Variants in BTBD10 observed in about 807,000 individuals in gnomAD.
BTBD10 encodes the protein BTB/POZ domain-containing protein 10.
In BTBD10, 21 loss-of-function variants were observed where a neutral mutation model predicts 53.2. The ratio of observed to expected loss-of-function variants is 0.39; its 90% CI spans 0.28 to 0.57. BTBD10 has a LOEUF of 0.57. Among genes scored for constraint, BTBD10 ranks in the 20% least tolerant of loss-of-function variants. The pLI is 0.53. For synonymous variants in BTBD10, 149 were observed against 192.7 expected, an observed-to-expected ratio of 0.77 and a Z score of 1.88; for missense variants, 360 against 594.7, an observed-to-expected ratio of 0.61 and a Z score of 4.10.
intron 8 of BTBD10, among the ~76,000 whole-genome samples, chr11:13,402,852 A>C (rs7939162): frequency 0.16 from 24,013 of 152,146 alleles, 2,084 homozygotes; most frequent in Admixed American, 0.24. Flanking sequence ...ATCCTATGGG[A>C]ATGTACATAT....
intron 5 of BTBD10, among the ~76,000 whole-genome samples, chr11:13,416,774 C>T (rs575356973): frequency 2.0e-5 from 3 of 152,056 alleles, no homozygotes; most frequent in East Asian, 3.9e-4. Context: ...CCCTGGAGTT[C>T]GAGAACAGCC....
intron 1 of BTBD10, among the ~76,000 whole-genome samples, chr11:13,456,028 C>T (rs939285874): frequency 4.6e-5 from 7 of 152,124 alleles, no homozygotes; most frequent in African/African-American, 1.7e-4. Flanking sequence ...TGGAAATGTT[C>T]TACGTCTGCA....
At chr11:13,406,004 A>C in intron 6 of BTBD10, 148 bp from the exon 7 acceptor site, 1 of 729,392 alleles carries the variant, frequency 1.4e-6, no homozygotes, top group East Asian at 2.7e-5. Context: ...CTAATATTAC[A>C]AAACTAATTT....
intron 1 of BTBD10, among the ~76,000 whole-genome samples, chr11:13,458,971 C>A (rs935664885): frequency 3.7e-4 from 56 of 151,986 alleles, no homozygotes; most frequent in Non-Finnish European, 8.8e-5. Flanking sequence ...AAAATCATAA[C>A]AACGCTTGTA....
In BTBD10 at chr11:13,438,025, A is replaced by G. The variant is rs138048490; in HGVS notation, c.101+6999T>C. Among the ~76,000 whole-genome samples, 238 of 152,168 alleles carry G rather than the reference A, an allele frequency of 1.6e-3. 2 individuals are homozygous for G. The highest frequency in any genetic ancestry group is 5.3e-3 in the African/African-American group (222 of 41,548). On this transcript the variant is annotated intron_variant, in intron 2 of 8. Transcript: ENST00000278174. ...TCCTATCAATGTTTGTCTTATTTCT[A>G]TTTCTGTTAGAGGTGGTAGTGGTTT...
At chr11:13,417,395 G>T in intron 4 of BTBD10, 135 bp from the exon 5 acceptor site, 2 of 581,914 alleles carry the variant, frequency 3.4e-6, no homozygotes, top group Admixed American at 3.3e-5. Flanking sequence ...AATTTATTCT[G>T]GCAAACATCA....
intron 1 of BTBD10, chr11:13,462,584 A>T (rs1239146714): frequency 6.6e-6 from 1 of 152,218 alleles, no homozygotes; most frequent in Non-Finnish European, 1.5e-5. Flanking sequence ...AGACATCAGA[A>T]CCTTTTCCGT....
At chr11:13,454,620 G>A (rs569903209) in intron 1 of BTBD10, among the ~76,000 whole-genome samples, 20 of 152,106 alleles carry the variant, frequency 1.3e-4, no homozygotes, top group Non-Finnish European at 2.6e-4. Context: ...GGTAGGCTGA[G>A]ACAGGAGGAT....
At position 13,430,974 on chromosome 11, in the gene BTBD10, T is replaced by TATACACACAC. The variant is rs1555026667; in HGVS notation, c.102-9137_102-9136insGTGTGTGTAT. ...TATGGTAAGGTTTTATGGAGATACA[T>TATACACACAC]ACACACACACACACACACACACACA... On this transcript the variant is annotated intron_variant, in intron 2 of 8. Transcript: ENST00000278174. Among the ~76,000 whole-genome samples, 340 of 144,486 alleles carry TATACACACAC rather than the reference T, an allele frequency of 2.4e-3. 1 individual carries two copies. Among genetic ancestry groups the TATACACACAC allele is most frequent in the African/African-American group, 8.5e-3 (334 of 39,184 alleles). 94.8% of individuals were successfully genotyped at this position (144,486 alleles called of 152,430 possible). A position where few individuals can be genotyped will look rare whatever the true frequency, so the allele number is the denominator to read the frequency against.
chr11:13,435,951 A>G (rs1950537420), intron 2 of BTBD10, among the ~76,000 whole-genome samples: 3 of 152,216 alleles, frequency 2.0e-5, no homozygotes, highest in South Asian at 2.1e-4. Flanking sequence ...AGACTGATGA[A>G]ATTAAAGACT....
At chr11:13,414,360 A>G (rs1950040768) in intron 5 of BTBD10, among the ~76,000 whole-genome samples, 1 of 152,200 alleles carries the variant, frequency 6.6e-6, no homozygotes, top group Non-Finnish European at 1.5e-5. Flanking sequence ...CCCCAAAATT[A>G]AGACCTGGCT....
At chr11:13,414,452 A>G (rs759976778) in intron 5 of BTBD10, among the ~76,000 whole-genome samples, 2 of 152,126 alleles carry the variant, frequency 1.3e-5, no homozygotes, top group Non-Finnish European at 2.9e-5. Context: ...TCAGAAGTTC[A>G]AGACCAGCCT....
At chr11:13,422,966 C>A (rs1227689917) in intron 2 of BTBD10, among the ~76,000 whole-genome samples, 1 of 152,108 alleles carries the variant, frequency 6.6e-6, no homozygotes, top group Non-Finnish European at 1.5e-5. Flanking sequence ...AGAGTTATCC[C>A]AACTTCCAAA....
rs138746994 is a variant in BTBD10, at chr11:13,437,063, G to A, written c.101+7961C>T. 7.9e-5 allele frequency among the ~76,000 whole-genome samples: 12 copies of A among 152,340 alleles called. No individual in the cohort carries two copies. In the South Asian group the frequency reaches 1.7e-3, roughly 21 times the overall value. Reference sequence around the variant, plus strand: ...TTCCCCAAGTGCTGGGATTACAGGCGTGAGACATCACGCCCAGCCCAAGAT... The same window carrying A: ...TTCCCCAAGTGCTGGGATTACAGGCATGAGACATCACGCCCAGCCCAAGAT... On this transcript the variant is annotated intron_variant, in intron 2 of 8. Transcript: ENST00000278174.
At chr11:13,404,718 A>C in intron 7 of BTBD10, 44 of 436,120 alleles carry the variant, frequency 1.0e-4, no homozygotes, top group Non-Finnish European at 1.3e-4. Flanking sequence ...CACAACACTC[A>C]TTTAAGTACA....
Position 13,389,102 on chromosome 11 carries a change from C to T in BTBD10, c.1157G>A (p.Gly386Glu), listed in dbSNP as rs563825040. Reference protein sequence around the residue: ...TYKEKVKKRPGGRPEVIYNYV... With the variant: ...TYKEKVKKRPEGRPEVIYNYV... ...GTTGTAGATCACTTCTGGGCGGCCTCCAGGCCTTTTCTTTACTTTTTCTTT... is the reference window on the plus strand; with the variant it reads ...GTTGTAGATCACTTCTGGGCGGCCTTCAGGCCTTTTCTTTACTTTTTCTTT... The change falls in exon 9 of 9, where the codon GGA becomes GAA. Residue 386 changes from glycine (G) to glutamate (E), a missense_variant. Transcript: ENST00000278174. 2 of 1,613,454 alleles carry T rather than the reference C, an allele frequency of 1.2e-6. No homozygotes were observed. The highest frequency in any genetic ancestry group is 1.7e-6 in the Non-Finnish European group (2 of 1,179,834).
intron 1 of BTBD10, among the ~76,000 whole-genome samples, chr11:13,453,829 G>A (rs1247787188): frequency 5.3e-5 from 8 of 152,114 alleles, no homozygotes; most frequent in Non-Finnish European, 1.2e-4. Context: ...CGAGGCAGGT[G>A]GATCACGAGG....
At position 13,388,791 on chromosome 11, in the gene BTBD10, T is replaced by C; in HGVS notation, c.*40A>G. 6.4e-7 allele frequency: 1 copy of C among 1,572,352 alleles called. No homozygotes were observed. The highest frequency in any genetic ancestry group is 1.3e-5 in the African/African-American group (1 of 74,586). ...CAGAATGAGGAGAGTACAACGTCAC[T>C]GTGAAGAGTAGCATGCTATGGTTTC... On this transcript the variant is annotated 3_prime_UTR_variant, in exon 9 of 9. Coordinates refer to ENST00000278174, the MANE Select transcript of BTBD10 (RefSeq NM_032320.7).
chr11:13,412,439 C>A (rs1285216663), intron 6 of BTBD10, among the ~76,000 whole-genome samples: 1 of 151,990 alleles, frequency 6.6e-6, no homozygotes, highest in South Asian at 2.1e-4. Flanking sequence ...GGTGACACAG[C>A]GAGACTCCAT....
Sources: gnomAD v4.1 joint callset for allele counts (sites outside exome capture counted in the v4.1 genomes callset) on GRCh38, gnomAD v4.1.1 for gene constraint, MANE v1.5 for transcripts, NCBI Gene and HGNC (gene_info 2026-07-23, HGNC 2026-07-21) for gene names.